Variants in CCR5AS observed in about 807,000 individuals in gnomAD.
CCR5AS encodes CCR5 antisense RNA.
At chr3:46,395,426 C>T (rs1173129062) in intron 1 of CCR5AS, among the ~76,000 whole-genome samples, 2 of 151,994 alleles carry the variant, frequency 1.3e-5, no homozygotes. Flanking sequence ...GCAAAGGGAG[C>T]CCTAAAGAAC....
intron 2 of CCR5AS, chr3:46,372,780 C>T: frequency 1.4e-6 from 1 of 723,800 alleles, no homozygotes; most frequent in Non-Finnish European, 2.3e-6. Flanking sequence ...TCAATGTAGA[C>T]ATCTATGTAG....
chr3:46,394,373 CG>C (rs1213380835), intron 1 of CCR5AS, among the ~76,000 whole-genome samples: 1 of 152,148 alleles, frequency 6.6e-6, no homozygotes, highest in Non-Finnish European at 1.5e-5. Context: ...CAGATTTCGG[CG>C]ACTTACTCCA....
chr3:46,381,028 A>G, intron 2 of CCR5AS, among the ~76,000 whole-genome samples: 1 of 152,200 alleles, frequency 6.6e-6, no homozygotes, highest in Non-Finnish European at 1.5e-5. Flanking sequence ...ATGTGAATCT[A>G]GACTTCATTG....
chr3:46,377,730 G>A lies in CCR5AS; in HGVS notation n.392-6313C>T, dbSNP rs1701776312. On this transcript the variant is annotated intron_variant and non_coding_transcript_variant, in intron 2 of 3. Transcript: ENST00000451485. ...AACTTTCCTTTTTTTTTTTGAGATGGAGTCTCGCTCTGTTGCCCAGGCTGG... is the reference window on the plus strand; with the variant it reads ...AACTTTCCTTTTTTTTTTTGAGATGAAGTCTCGCTCTGTTGCCCAGGCTGG... Among the ~76,000 whole-genome samples the A allele has an allele frequency of 3.3e-5, 5 of 151,732 alleles. 1 individual carries two copies. In the South Asian group the frequency reaches 1.0e-3, roughly 32 times the overall value.
chr3:46,386,291 T>C (rs1260908583), intron 2 of CCR5AS, among the ~76,000 whole-genome samples: 2 of 152,232 alleles, frequency 1.3e-5, no homozygotes, highest in Non-Finnish European at 2.9e-5. Flanking sequence ...TGACTCGTCC[T>C]TGAATTCCTT....
chr3:46,375,240 G>T (rs1701736566), intron 2 of CCR5AS: 2 of 166,990 alleles, frequency 1.2e-5, no homozygotes, highest in South Asian at 4.1e-4. Flanking sequence ...GTCTCCAGGA[G>T]GAGACTAGAT....
chr3:46,386,088 T>A (rs983498322), intron 2 of CCR5AS, among the ~76,000 whole-genome samples: 2 of 150,932 alleles, frequency 1.3e-5, no homozygotes, highest in South Asian at 2.1e-4. Flanking sequence ...ATATTTTGTA[T>A]TTTTTTTTGT....
intron 1 of CCR5AS, among the ~76,000 whole-genome samples, chr3:46,406,091 G>T (rs760975840): frequency 5.3e-5 from 8 of 152,082 alleles, no homozygotes; most frequent in Non-Finnish European, 1.0e-4. Context: ...GCCCAGGCTG[G>T]CCTCAAACTC....
intron 2 of CCR5AS, among the ~76,000 whole-genome samples, chr3:46,372,325 G>A (rs1284797324): frequency 1.3e-5 from 2 of 152,124 alleles, no homozygotes; most frequent in African/African-American, 4.8e-5. Context: ...GAGCCCAGGA[G>A]TTCGAGACCA....
At position 46,384,858 on chromosome 3, in the gene CCR5AS, TAGATAGATA is replaced by T. The variant is rs1310494337; in HGVS notation, n.391+7958_391+7966del. 4.1e-3 allele frequency among the ~76,000 whole-genome samples: 6 copies of T among 1,466 alleles called. No homozygotes were observed. In the Non-Finnish European group the frequency reaches 0.16, roughly 39 times the overall value. 1.0% of individuals were successfully genotyped at this position (1,466 alleles called of 152,430 possible). A position where few individuals can be genotyped will look rare whatever the true frequency, so the allele number is the denominator to read the frequency against. ...ATAGATGGATAGGGTACATAGATGA[TAGATAGATA>T]GATAGATAGATAGATAGATAGATAG... On this transcript the variant is annotated intron_variant and non_coding_transcript_variant, in intron 2 of 3. Transcript: ENST00000451485.
At chr3:46,398,695 T>C (rs1271181315) in intron 1 of CCR5AS, among the ~76,000 whole-genome samples, 1 of 152,204 alleles carries the variant, frequency 6.6e-6, no homozygotes, top group Non-Finnish European at 1.5e-5. Flanking sequence ...TTTTTTAAAT[T>C]CTTTTTTCTT....
At chr3:46,393,831 A>G (rs1248981527) in intron 1 of CCR5AS, among the ~76,000 whole-genome samples, 1 of 152,244 alleles carries the variant, frequency 6.6e-6, no homozygotes, top group African/African-American at 2.4e-5. Flanking sequence ...AAACCTGAGA[A>G]CCAAGAATGA....
chr3:46,405,508 G>A (rs1203968328), intron 1 of CCR5AS, among the ~76,000 whole-genome samples: 2 of 152,088 alleles, frequency 1.3e-5, no homozygotes, highest in Non-Finnish European at 2.9e-5. Context: ...AAAGCTGCCC[G>A]CACCTACTCA....
intron 2 of CCR5AS, among the ~76,000 whole-genome samples, chr3:46,381,626 T>C (rs1033044533): frequency 6.6e-6 from 1 of 152,238 alleles, no homozygotes; most frequent in African/African-American, 2.4e-5. Flanking sequence ...AATTTCAATA[T>C]TGTCTATGTT....
intron 2 of CCR5AS, among the ~76,000 whole-genome samples, chr3:46,392,265 C>T (rs768552300): frequency 1.3e-5 from 2 of 152,184 alleles, no homozygotes; most frequent in Non-Finnish European, 2.9e-5. Context: ...TCCCTTGCCT[C>T]CATAACTGTT....
chr3:46,397,369 C>T (rs774472635), intron 1 of CCR5AS, among the ~76,000 whole-genome samples: 36 of 152,222 alleles, frequency 2.4e-4, no homozygotes, highest in Non-Finnish European at 4.9e-4. Flanking sequence ...GGAGAGGTGT[C>T]CTTCAGGAGC....
At chr3:46,406,454 C>T (rs1179633436) in intron 1 of CCR5AS, among the ~76,000 whole-genome samples, 2 of 151,966 alleles carry the variant, frequency 1.3e-5, no homozygotes, top group Admixed American at 1.3e-4. Flanking sequence ...CCTCCCCTCC[C>T]CACAGCCTCC....
intron 2 of CCR5AS, among the ~76,000 whole-genome samples, chr3:46,377,527 G>GGCAT (rs1478088152): frequency 6.6e-6 from 1 of 152,142 alleles, no homozygotes; most frequent in African/African-American, 2.4e-5. Flanking sequence ...AAGATGCAAT[G>GGCAT]GCATTTCAAC....
intron 3 of CCR5AS, among the ~76,000 whole-genome samples, chr3:46,370,188 T>A (rs542055812): frequency 6.6e-6 from 1 of 152,304 alleles, no homozygotes; most frequent in East Asian, 1.9e-4. Flanking sequence ...CACCTATGTA[T>A]CTGGCATAGT....
Sources: allele counts gnomAD v4.1 joint callset (sites outside exome capture counted in the v4.1 genomes callset), GRCh38; gene constraint gnomAD v4.1.1; transcripts MANE v1.5; gene names NCBI Gene and HGNC (gene_info 2026-07-23, HGNC 2026-07-21).